The following MCU variants were observed in gnomAD, a reference collection of about 807,000 sequenced individuals.
The protein encoded by MCU is calcium uniporter protein, mitochondrial.
A neutral mutation model predicts 45.2 loss-of-function variants in MCU; 12 were observed. The ratio of observed to expected loss-of-function variants is 0.27; its 90% confidence interval spans 0.17 to 0.43. The LOEUF (loss-of-function observed/expected upper bound fraction) is 0.43, where lower values mean the gene tolerates loss of function less well. Ranked by LOEUF, MCU falls within the 20% of genes least tolerant of loss-of-function variation. The pLI is 1.00. For missense variants in MCU, 324 were observed against 436.7 expected, an observed-to-expected ratio of 0.74 and a Z score of 2.30; for synonymous variants, 160 against 165.1, an observed-to-expected ratio of 0.97 and a Z score of 0.24.
chr10:72,744,828 C>T (rs1421838279), intron 1 of MCU, among the ~76,000 whole-genome samples: 1 of 152,302 alleles, frequency 6.6e-6, no homozygotes, highest in African/African-American at 2.4e-5. Context: ...GATCATTAAA[C>T]GAATGGTTAG....
At chr10:72,811,263 A>G (rs1291698785) in intron 1 of MCU, among the ~76,000 whole-genome samples, 6 of 152,206 alleles carry the variant, frequency 3.9e-5, no homozygotes, top group Non-Finnish European at 5.9e-5. Flanking sequence ...TTTGAGAAAA[A>G]GGTTATTGAT....
intron 1 of MCU, among the ~76,000 whole-genome samples, chr10:72,707,236 T>C (rs1842833619): frequency 6.7e-6 from 1 of 150,040 alleles, no homozygotes; most frequent in Non-Finnish European, 1.5e-5. Context: ...TCTTGCTATG[T>C]CACCCATGCT....
intron 7 of MCU, among the ~76,000 whole-genome samples, chr10:72,884,810 C>T (rs1845755086): frequency 6.6e-6 from 1 of 152,086 alleles, no homozygotes; most frequent in South Asian, 2.1e-4. Flanking sequence ...TGCTAGAGAT[C>T]TTTGCCAGGG....
At chr10:72,809,443 T>A (rs1844504650) in intron 1 of MCU, among the ~76,000 whole-genome samples, 1 of 152,104 alleles carries the variant, frequency 6.6e-6, no homozygotes, top group Non-Finnish European at 1.5e-5. Context: ...AGACTTGGAA[T>A]TGGCTGGGAG....
intron 1 of MCU, among the ~76,000 whole-genome samples, chr10:72,737,284 G>T (rs1241934601): frequency 6.6e-6 from 1 of 152,196 alleles, no homozygotes. Context: ...AGGAATAAAA[G>T]TGGTAATAAT....
At chr10:72,706,214 G>A (rs990831585) in intron 1 of MCU, among the ~76,000 whole-genome samples, 1 of 148,490 alleles carries the variant, frequency 6.7e-6, no homozygotes, top group African/African-American at 2.5e-5. Flanking sequence ...TTGTATGATG[G>A]TCTTATCTTT....
At chr10:72,880,105 G>A (rs1370235434) in intron 6 of MCU, among the ~76,000 whole-genome samples, 1 of 152,186 alleles carries the variant, frequency 6.6e-6, no homozygotes. Context: ...TCTGGAGCAG[G>A]TAAATAGACT....
intron 5 of MCU, among the ~76,000 whole-genome samples, 163 bp downstream of exon 5, chr10:72,869,026 A>G (rs1235989137): frequency 3.3e-5 from 5 of 152,236 alleles, no homozygotes; most frequent in Non-Finnish European, 7.3e-5. Flanking sequence ...CAAAGCTAAG[A>G]AAGGGCTTGA....
intron 6 of MCU, among the ~76,000 whole-genome samples, chr10:72,875,610 G>A (rs1051253333): frequency 2.0e-5 from 3 of 152,128 alleles, no homozygotes; most frequent in Non-Finnish European, 4.4e-5. Flanking sequence ...CTGTTCAATG[G>A]CATTTAAACT....
intron 1 of MCU, among the ~76,000 whole-genome samples, chr10:72,793,427 T>G (rs1473327709): frequency 6.6e-6 from 1 of 152,206 alleles, no homozygotes; most frequent in East Asian, 1.9e-4. Flanking sequence ...AACAGTCCTA[T>G]ATACCTTTGT....
intron 1 of MCU, among the ~76,000 whole-genome samples, chr10:72,764,627 A>G (rs570308150): frequency 7.9e-5 from 12 of 152,320 alleles, no homozygotes; most frequent in African/African-American, 2.9e-4. Flanking sequence ...AAGACTATGC[A>G]GTAGGGAAGA....
Position 72,703,211 on chromosome 10 carries a change from A to T in MCU, c.150+10910A>T, listed in dbSNP as rs567767971. Among the ~76,000 whole-genome samples the T allele has an allele frequency of 2.0e-5, 3 of 152,358 alleles. No homozygotes were observed. In the East Asian group the frequency reaches 5.8e-4, roughly 29 times the overall value. On this transcript the variant is annotated intron_variant, in intron 1 of 7. Coordinates refer to ENST00000373053, the MANE Select transcript of MCU (RefSeq NM_138357.3). ...TATTTTTCAAGTATATCATGTGCCA[A>T]GAATTTTACATAGATTATCTCATTT...
At chr10:72,882,896 C>G (rs1031560053) in intron 6 of MCU, among the ~76,000 whole-genome samples, 1 of 152,140 alleles carries the variant, frequency 6.6e-6, no homozygotes, top group African/African-American at 2.4e-5. Flanking sequence ...TGATGTCCCC[C>G]CCGGATGCCC....
intron 2 of MCU, among the ~76,000 whole-genome samples, chr10:72,858,409 C>A (rs1049069530): frequency 6.6e-6 from 1 of 152,108 alleles, no homozygotes; most frequent in Non-Finnish European, 1.5e-5. Flanking sequence ...AACCACTCCA[C>A]GGTCGGTGGC....
Position 72,746,249 on chromosome 10 carries a change from A to G in MCU, c.150+53948A>G, listed in dbSNP as rs143199342. 2.9e-3 allele frequency among the ~76,000 whole-genome samples: 441 copies of G among 152,356 alleles called. 3 individuals carry two copies. The highest frequency in any genetic ancestry group is 0.01 in the African/African-American group (416 of 41,578). The stretch of plus-strand genomic sequence containing the variant: ...CGTTGCAGTAATTTTTCAAAAACCA[A>G]AAAGAAAAGGCCTCCATAAAATACT... On this transcript the variant is annotated intron_variant, in intron 1 of 7. Coordinates refer to ENST00000373053, the MANE Select transcript of MCU (RefSeq NM_138357.3).
chr10:72,728,407 T>TAATAAACTA (rs1843127762), intron 1 of MCU, among the ~76,000 whole-genome samples: 1 of 152,188 alleles, frequency 6.6e-6, no homozygotes, highest in South Asian at 2.1e-4. Flanking sequence ...TATGGGAAAT[T>TAATAAACTA]TGATACAGTG....
chr10:72,831,821 G>A (rs924268804), intron 1 of MCU, among the ~76,000 whole-genome samples: 24 of 152,088 alleles, frequency 1.6e-4, no homozygotes, highest in African/African-American at 5.6e-4. Context: ...AGGCCCTGAA[G>A]CAAAAATGTA....
chr10:72,741,959 C>T (rs1331641643), intron 1 of MCU, among the ~76,000 whole-genome samples: 3 of 124,650 alleles, frequency 2.4e-5, no homozygotes, highest in African/African-American at 6.0e-5. Flanking sequence ...ACCCGGGAGG[C>T]GGAGCTTGTA....
chr10:72,713,042 A>G (rs1042897043), intron 1 of MCU, among the ~76,000 whole-genome samples: 3 of 152,218 alleles, frequency 2.0e-5, no homozygotes, highest in Non-Finnish European at 4.4e-5. Flanking sequence ...CACCCAAGAT[A>G]TAAGTCTGGC....
Sources: allele counts gnomAD v4.1 joint callset (sites outside exome capture counted in the v4.1 genomes callset), GRCh38; gene constraint gnomAD v4.1.1; transcripts MANE v1.5; gene names NCBI Gene and HGNC (gene_info 2026-07-23, HGNC 2026-07-21).